The following SPAG16 variants were observed in gnomAD, a reference collection of about 807,000 sequenced individuals.
SPAG16 encodes sperm associated antigen 16.
A neutral mutation model predicts 80.4 loss-of-function variants in SPAG16; 86 were observed. That is an observed-to-expected ratio of 1.07 (90% CI 0.90 to 1.28). The LOEUF (loss-of-function observed/expected upper bound fraction) is 1.28, where lower values mean the gene tolerates loss of function less well. Among genes scored for constraint, SPAG16 ranks in the 50% most tolerant of loss-of-function variants. The pLI is 0.00. For synonymous variants in SPAG16, 294 were observed against 265.9 expected (o/e 1.11, Z -1.03); for missense variants, 870 against 765.3 (o/e 1.14, Z -1.61).
intron 10 of SPAG16, among the ~76,000 whole-genome samples, chr2:213,673,103 A>G (rs907179944): frequency 1.3e-5 from 2 of 151,932 alleles, no homozygotes; most frequent in African/African-American, 4.8e-5. Context: ...ATTTTCCTCT[A>G]TATTCAAACC....
At chr2:213,490,875 C>T (rs2074205819) in intron 10 of SPAG16, among the ~76,000 whole-genome samples, 2 of 152,044 alleles carry the variant, frequency 1.3e-5, no homozygotes, top group South Asian at 4.1e-4. Flanking sequence ...GTAATTGCTC[C>T]TATTATACTT....
intron 13 of SPAG16, among the ~76,000 whole-genome samples, chr2:214,034,770 C>T (rs375873302): frequency 2.3e-4 from 35 of 152,298 alleles, no homozygotes; most frequent in African/African-American, 7.7e-4. Context: ...GAGGATGTCA[C>T]GGCCCTGGCT....
intron 10 of SPAG16, among the ~76,000 whole-genome samples, chr2:213,669,360 G>T (rs2063732179): frequency 6.6e-6 from 1 of 151,936 alleles, no homozygotes; most frequent in Admixed American, 6.6e-5. Context: ...CTGTTTTTTT[G>T]GCTATAGTAT....
At chr2:214,195,455 T>C (rs1026029152) in intron 15 of SPAG16, among the ~76,000 whole-genome samples, 1 of 152,022 alleles carries the variant, frequency 6.6e-6, no homozygotes, top group Non-Finnish European at 1.5e-5. Flanking sequence ...GCATTAGATA[T>C]GAGGAGACCA....
chr2:214,120,337 CA>C (rs946198373), intron 14 of SPAG16, among the ~76,000 whole-genome samples: 2 of 151,818 alleles, frequency 1.3e-5, no homozygotes, highest in Non-Finnish European at 2.9e-5. Flanking sequence ...TCAATTACTA[CA>C]TTTCTTATAG....
intron 15 of SPAG16, among the ~76,000 whole-genome samples, chr2:214,192,453 G>T (rs990638936): frequency 1.3e-5 from 2 of 152,034 alleles, no homozygotes; most frequent in Non-Finnish European, 2.9e-5. Flanking sequence ...TTCTATGAAA[G>T]ATTGGTTCTG....
intron 11 of SPAG16, among the ~76,000 whole-genome samples, chr2:213,927,238 T>G (rs1022628907): frequency 6.6e-6 from 1 of 152,192 alleles, no homozygotes; most frequent in Non-Finnish European, 1.5e-5. Flanking sequence ...ACTGCCACAT[T>G]GGAATTAGGG....
chr2:213,940,050 C>A (rs1175104787), intron 12 of SPAG16, among the ~76,000 whole-genome samples: 3 of 152,088 alleles, frequency 2.0e-5, no homozygotes, highest in Non-Finnish European at 4.4e-5. Context: ...CATACACCTA[C>A]TGTTGAAAAT....
intron 10 of SPAG16, among the ~76,000 whole-genome samples, chr2:213,731,460 GTTT>G (rs986357991): frequency 4.1e-5 from 1 of 24,512 alleles, no homozygotes; most frequent in Admixed American, 7.9e-4. Flanking sequence ...ATGTCCAGCT[GTTT>G]TTTTTTTTTT....
At chr2:214,116,476 G>C (rs1322732799) in intron 14 of SPAG16, among the ~76,000 whole-genome samples, 1 of 152,204 alleles carries the variant, frequency 6.6e-6, no homozygotes, top group Non-Finnish European at 1.5e-5. Context: ...GCAAAGACCT[G>C]CTGGGAATTG....
chr2:213,373,446 T>A (rs1180686098), intron 8 of SPAG16, among the ~76,000 whole-genome samples: 2 of 152,222 alleles, frequency 1.3e-5, no homozygotes, highest in Non-Finnish European at 2.9e-5. Context: ...TGTTGAATAC[T>A]GTCCTAAAAT....
chr2:213,313,191 C>T (rs1347343259), intron 4 of SPAG16, among the ~76,000 whole-genome samples: 1 of 151,726 alleles, frequency 6.6e-6, no homozygotes, highest in Non-Finnish European at 1.5e-5. Flanking sequence ...CATTATGATA[C>T]ATTTGACCAC....
chr2:213,535,541 T>C (rs2076213412), intron 10 of SPAG16, among the ~76,000 whole-genome samples: 1 of 152,160 alleles, frequency 6.6e-6, no homozygotes, highest in South Asian at 2.1e-4. Context: ...GTAATTTCTT[T>C]GCAATTTTCA....
chr2:214,106,177 A>G (rs1429827775), intron 13 of SPAG16, among the ~76,000 whole-genome samples: 2 of 152,192 alleles, frequency 1.3e-5, no homozygotes, highest in Non-Finnish European at 2.9e-5. Context: ...CTTTGTAAAA[A>G]TATTACCACT....
chr2:214,114,587 G>A (rs1314958743), intron 14 of SPAG16, among the ~76,000 whole-genome samples: 3 of 152,212 alleles, frequency 2.0e-5, no homozygotes, highest in African/African-American at 7.2e-5. Context: ...AAGGCTCCAT[G>A]AGCGTGGGAC....
chr2:213,326,377 C>G (rs1276820646), intron 5 of SPAG16, among the ~76,000 whole-genome samples: 1 of 151,940 alleles, frequency 6.6e-6, no homozygotes, highest in Non-Finnish European at 1.5e-5. Flanking sequence ...AGTTTTATGA[C>G]TTTCAGAAAC....
intron 10 of SPAG16, among the ~76,000 whole-genome samples, chr2:213,660,676 T>A (rs2063392737): frequency 6.6e-6 from 1 of 152,188 alleles, no homozygotes; most frequent in Non-Finnish European, 1.5e-5. Flanking sequence ...AAACCCCTTG[T>A]GGCCTCTGGA....
At chr2:213,741,615 A>G (rs1211492431) in intron 10 of SPAG16, among the ~76,000 whole-genome samples, 4 of 152,190 alleles carry the variant, frequency 2.6e-5, no homozygotes, top group Non-Finnish European at 5.9e-5. Flanking sequence ...AGATTTTAAA[A>G]AATAATTCAT....
At chr2:213,772,376 A>G (rs1302408225) in intron 10 of SPAG16, among the ~76,000 whole-genome samples, 3 of 152,154 alleles carry the variant, frequency 2.0e-5, no homozygotes, top group Non-Finnish European at 4.4e-5. Flanking sequence ...ACTTGGATGG[A>G]AGCAGATATT....
Sources: gnomAD v4.1 joint callset for allele counts (sites outside exome capture counted in the v4.1 genomes callset) on GRCh38, gnomAD v4.1.1 for gene constraint, MANE v1.5 for transcripts, NCBI Gene and HGNC (gene_info 2026-07-23, HGNC 2026-07-21) for gene names.